Variants in MARCHF8 observed in about 807,000 individuals in gnomAD.
The protein encoded by MARCHF8 is membrane associated ring-CH-type finger 8.
MARCHF8 carries 40 observed loss-of-function variants against 51.6 expected under a neutral mutation model. The ratio of observed to expected loss-of-function variants is 0.77; its 90% confidence interval spans 0.60 to 1.01. The LOEUF (loss-of-function observed/expected upper bound fraction) is 1.01. Among genes scored for constraint, MARCHF8 ranks in the 50% least tolerant of loss-of-function variants. MARCHF8 has a pLI of 0.00. For missense variants in MARCHF8, 685 were observed against 708.6 expected, an observed-to-expected ratio of 0.97 and a Z score of 0.38; for synonymous variants, 263 against 280.3, an observed-to-expected ratio of 0.94 and a Z score of 0.62.
At chr10:45,526,404 C>T (rs768639404) in intron 2 of MARCHF8, among the ~76,000 whole-genome samples, 2 of 152,156 alleles carry the variant, frequency 1.3e-5, no homozygotes, top group South Asian at 2.1e-4. Context: ...CTGTGGGAGA[C>T]CCCCTTGACC....
intron 3 of MARCHF8, among the ~76,000 whole-genome samples, chr10:45,483,639 C>T (rs1002352519): frequency 2.6e-5 from 4 of 152,126 alleles, no homozygotes; most frequent in Admixed American, 6.5e-5. Flanking sequence ...TAGCACTGTT[C>T]GCAAAAGATA....
chr10:45,569,324 T>C (rs922326467), intron 1 of MARCHF8, among the ~76,000 whole-genome samples: 6 of 152,156 alleles, frequency 3.9e-5, no homozygotes, highest in African/African-American at 1.4e-4. Flanking sequence ...ATGTTAAATT[T>C]CATCAAATTT....
intron 1 of MARCHF8, among the ~76,000 whole-genome samples, chr10:45,576,440 A>G (rs1175322686): frequency 6.6e-6 from 1 of 152,226 alleles, no homozygotes; most frequent in African/African-American, 2.4e-5. Flanking sequence ...CACAGAGTGT[A>G]GGCAAGATGC....
chr10:45,537,982 C>T (rs1267558368), upstream of MARCHF8, among the ~76,000 whole-genome samples: 2 of 152,244 alleles, frequency 1.3e-5, no homozygotes, highest in Admixed American at 6.5e-5. Context: ...TATCCCTAAT[C>T]TAACTAATCT....
At chr10:45,505,381 T>G (rs2043361187) in intron 2 of MARCHF8, among the ~76,000 whole-genome samples, 1 of 152,222 alleles carries the variant, frequency 6.6e-6, no homozygotes. Flanking sequence ...TTTCACATAT[T>G]AGGGTCTGTT....
At chr10:45,494,471 G>A (rs964267870) in intron 2 of MARCHF8, among the ~76,000 whole-genome samples, 36 of 152,114 alleles carry the variant, frequency 2.4e-4, no homozygotes, top group Admixed American at 1.1e-3. Flanking sequence ...AATGAACACC[G>A]CTAACTACAT....
intron 1 of MARCHF8, among the ~76,000 whole-genome samples, chr10:45,592,963 T>C (rs1017673785): frequency 1.3e-5 from 2 of 152,162 alleles, no homozygotes; most frequent in Non-Finnish European, 2.9e-5. Context: ...CAACTAGGCA[T>C]CCTGTATTTT....
chr10:45,567,538 T>C (rs2044378758), intron 1 of MARCHF8, among the ~76,000 whole-genome samples: 1 of 152,214 alleles, frequency 6.6e-6, no homozygotes, highest in South Asian at 2.1e-4. Context: ...GAGACTGTCT[T>C]TTCCCCAGAG....
chr10:45,570,431 CG>C (rs1564519775), intron 1 of MARCHF8, among the ~76,000 whole-genome samples: 1 of 151,978 alleles, frequency 6.6e-6, no homozygotes, highest in African/African-American at 2.4e-5. Context: ...ATATCCATTC[CG>C]GGTTAAAAAA....
chr10:45,459,409 C>G, intron 6 of MARCHF8, 142 bp from the exon 7 acceptor site: 1 of 985,110 alleles, frequency 1.0e-6, no homozygotes, highest in Non-Finnish European at 1.4e-6. Flanking sequence ...GTATTGTTCT[C>G]CTAAAACCAC....
chr10:45,571,588 G>A (rs2044430036), intron 1 of MARCHF8, among the ~76,000 whole-genome samples: 1 of 152,272 alleles, frequency 6.6e-6, no homozygotes, highest in South Asian at 2.1e-4. Context: ...CCGTGACTCG[G>A]ATCGGCGGAC....
At chr10:45,558,469 C>T (rs1297320098) in intron 1 of MARCHF8, among the ~76,000 whole-genome samples, 1 of 152,176 alleles carries the variant, frequency 6.6e-6, no homozygotes, top group Non-Finnish European at 1.5e-5. Flanking sequence ...AAGGCATTCT[C>T]AAAAGGCTCT....
chr10:45,499,737 T>G (rs1326398336), intron 2 of MARCHF8, among the ~76,000 whole-genome samples: 1 of 152,186 alleles, frequency 6.6e-6, no homozygotes, highest in East Asian at 1.9e-4. Flanking sequence ...GGAAATCATT[T>G]GGCCAAATAT....
At chr10:45,560,595 G>A (rs973857250) in intron 1 of MARCHF8, among the ~76,000 whole-genome samples, 5 of 151,586 alleles carry the variant, frequency 3.3e-5, no homozygotes, top group South Asian at 2.1e-4. Flanking sequence ...CACCCTCCTC[G>A]GGGTCTGTGA....
At chr10:45,512,283 G>A (rs1265117983) in intron 2 of MARCHF8, among the ~76,000 whole-genome samples, 13 of 150,852 alleles carry the variant, frequency 8.6e-5, no homozygotes, top group East Asian at 2.0e-4. Context: ...CCCTACGCCC[G>A]GCAGCCACCC....
intron 1 of MARCHF8, among the ~76,000 whole-genome samples, chr10:45,584,764 G>C (rs1589196156): frequency 6.6e-6 from 1 of 152,226 alleles, no homozygotes; most frequent in East Asian, 1.9e-4. Flanking sequence ...TCCATCTAGA[G>C]AAGGAAAAAA....
chr10:45,470,879 A>G (rs1564469767), intron 3 of MARCHF8, among the ~76,000 whole-genome samples: 1 of 152,196 alleles, frequency 6.6e-6, no homozygotes, highest in Non-Finnish European at 1.5e-5. Context: ...TGTCAAACCA[A>G]TGCTTCATTA....
chr10:45,522,228 T>G (rs1034754827), intron 2 of MARCHF8, among the ~76,000 whole-genome samples: 4 of 152,184 alleles, frequency 2.6e-5, no homozygotes, highest in African/African-American at 9.7e-5. Flanking sequence ...GCTAGCCTTG[T>G]GACTGTTAGA....
intron 2 of MARCHF8, among the ~76,000 whole-genome samples, chr10:45,511,069 TATG>T: frequency 6.6e-6 from 1 of 152,376 alleles, no homozygotes; most frequent in Admixed American, 6.5e-5. Context: ...ACATATAACA[TATG>T]ATTAGAATCA....
Sources: allele counts gnomAD v4.1 joint callset (sites outside exome capture counted in the v4.1 genomes callset), GRCh38; gene constraint gnomAD v4.1.1; transcripts MANE v1.5; gene names NCBI Gene and HGNC (gene_info 2026-07-23, HGNC 2026-07-21).